Variants in CNTNAP2 observed in about 807,000 individuals in gnomAD.
CNTNAP2 encodes the protein contactin-associated protein-like 2.
A neutral mutation model predicts 155.2 loss-of-function variants in CNTNAP2; 98 were observed. The observed-to-expected ratio is 0.63, with a 90% CI of 0.54 to 0.75. The LOEUF (loss-of-function observed/expected upper bound fraction) is 0.75. CNTNAP2 is among the 30% of genes least tolerant of loss of function. CNTNAP2 has a pLI of 0.00. For synonymous variants in CNTNAP2, 651 were observed against 631.2 expected (o/e 1.03, Z -0.47); for missense variants, 1,727 against 1,688.1 (o/e 1.02, Z -0.40).
chr7:147,437,620 A>C (rs1797573031), intron 10 of CNTNAP2, among the ~76,000 whole-genome samples: 1 of 152,096 alleles, frequency 6.6e-6, no homozygotes, highest in Admixed American at 6.6e-5. Flanking sequence ...GTATAATTTA[A>C]AGTCAGGTGA....
At chr7:147,822,126 G>A (rs768435991) in intron 13 of CNTNAP2, among the ~76,000 whole-genome samples, 14 of 152,094 alleles carry the variant, frequency 9.2e-5, no homozygotes, top group Non-Finnish European at 1.6e-4. Context: ...CAATTTCTAT[G>A]GAGTCGTGGG....
chr7:148,346,773 T>TAAAAAAAAAAAAA (rs71188973), intron 21 of CNTNAP2, among the ~76,000 whole-genome samples: 1 of 147,046 alleles, frequency 6.8e-6, no homozygotes, highest in African/African-American at 2.5e-5. Flanking sequence ...ACTCCATCTT[T>TAAAAAAAAAAAAA]AAAAAAAAAA....
Position 147,903,566 on chromosome 7 carries a change from T to C in CNTNAP2, c.2100T>C (p.Asp700=), listed in dbSNP as rs1240494550. Residue 700 remains aspartate, a splice_region_variant and synonymous_variant, in exon 14 of 24, where the codon GAT becomes GAC. Transcript: ENST00000361727. ...ATATACCTTTGCCTTTTCTTGTAGATGGAAGCCCTTACACTTGGTGGGTTG... is the reference window on the plus strand; with the variant it reads ...ATATACCTTTGCCTTTTCTTGTAGACGGAAGCCCTTACACTTGGTGGGTTG... ...CKMSRLLNTP[D]GSPYTWWVGK... is the part of the protein sequence containing the mutation. The C allele has an allele frequency of 6.2e-7, 1 of 1,614,072 alleles. No homozygotes were observed. The highest frequency in any genetic ancestry group is 1.7e-5 in the Admixed American group (1 of 60,002).
rs576086021 is a variant in CNTNAP2, at chr7:146,365,994, C to T, written c.97+249021C>T. The stretch of plus-strand genomic sequence containing the variant: ...AAACGTGTATTGGCAATAATAGTGT[C>T]TATAATAATGGGAGTATCCTTATTT... On this transcript the variant is annotated intron_variant, in intron 1 of 23. Transcript: ENST00000361727. 4.5e-3 allele frequency among the ~76,000 whole-genome samples: 678 copies of T among 152,128 alleles called. 3 individuals are homozygous for T. Among genetic ancestry groups the T allele is most frequent in the Non-Finnish European group, 7.0e-3 (473 of 67,964 alleles).
Position 147,204,019 on chromosome 7 carries a change from G to A in CNTNAP2, c.1348+71510G>A, listed in dbSNP as rs138315349. ...ATTAAAAAGAAAGGTTGTGTCATAA[G>A]AGTGTGTAATGTAAAGCTCTTAACT... On this transcript the variant is annotated intron_variant, in intron 8 of 23. Coordinates refer to ENST00000361727, the MANE Select transcript of CNTNAP2 (RefSeq NM_014141.6). Among the ~76,000 whole-genome samples the A allele has an allele frequency of 7.4e-3, 1,127 of 152,112 alleles. 6 individuals carry two copies. The highest frequency in any genetic ancestry group is 0.012 in the Non-Finnish European group (844 of 67,938).
intron 15 of CNTNAP2, among the ~76,000 whole-genome samples, chr7:148,086,225 CCT>C (rs1474754745): frequency 6.6e-6 from 1 of 152,104 alleles, no homozygotes; most frequent in African/African-American, 2.4e-5. Context: ...TTTAGAAAGA[CCT>C]CTTTTGCTTT....
intron 3 of CNTNAP2, among the ~76,000 whole-genome samples, chr7:146,860,155 G>GAT (rs1368580044): frequency 6.6e-6 from 1 of 152,146 alleles, no homozygotes; most frequent in Non-Finnish European, 1.5e-5. Context: ...ATGAGTAATG[G>GAT]ATATATATAG....
At chr7:146,619,676 G>GA (rs1253500065) in intron 1 of CNTNAP2, among the ~76,000 whole-genome samples, 1 of 152,126 alleles carries the variant, frequency 6.6e-6, no homozygotes, top group Non-Finnish European at 1.5e-5. Context: ...TCAAGCGTGT[G>GA]AAACAAGTGG....
chr7:147,713,710 C>G (rs1366012372), intron 13 of CNTNAP2, among the ~76,000 whole-genome samples: 1 of 152,110 alleles, frequency 6.6e-6, no homozygotes, highest in Non-Finnish European at 1.5e-5. Context: ...TGATGAGAAA[C>G]TGCTAAACTG....
In CNTNAP2 at chr7:147,122,361, C is replaced by T. The variant is rs1563084283; in HGVS notation, c.939+1198C>T. On this transcript the variant is annotated intron_variant, in intron 6 of 23. Transcript: ENST00000361727. ...TAGTGTCTTCGAACTTTTTCCACAG[C>T]AGTCCTGAGCCGTTAGGTCCAAACA... 3.3e-5 allele frequency: 5 copies of T among 152,294 alleles called. No homozygotes were observed. The South Asian group carries it at 8.3e-4, about 25-fold the overall frequency. 9.4% of individuals were successfully genotyped at this position (152,294 alleles called of 1,614,324 possible). A position where few individuals can be genotyped will look rare whatever the true frequency, so the allele number is the denominator to read the frequency against.
intron 1 of CNTNAP2, among the ~76,000 whole-genome samples, chr7:146,689,540 A>G (rs1800661915): frequency 6.6e-6 from 1 of 151,994 alleles, no homozygotes. Flanking sequence ...AGAATCTTTC[A>G]TTTATCTGTC....
chr7:147,780,396 AT>A (rs1206506684), intron 13 of CNTNAP2, among the ~76,000 whole-genome samples: 4 of 152,222 alleles, frequency 2.6e-5, no homozygotes, highest in African/African-American at 9.6e-5. Flanking sequence ...TAATTTAAAA[AT>A]TAACAGGTTT....
At chr7:148,210,631 A>G (rs577921666) in intron 18 of CNTNAP2, among the ~76,000 whole-genome samples, 5 of 152,282 alleles carry the variant, frequency 3.3e-5, no homozygotes, top group South Asian at 4.1e-4. Context: ...TTTTTTCTCC[A>G]TTGTACAGAT....
chr7:148,118,096 T>A (rs919395814), intron 15 of CNTNAP2, 22 bp from the exon 16 acceptor site: 7 of 1,612,992 alleles, frequency 4.3e-6, no homozygotes, highest in Non-Finnish European at 5.9e-6. Context: ...GTTAACCTGA[T>A]TTTTTTGTTT....
intron 12 of CNTNAP2, among the ~76,000 whole-genome samples, chr7:147,611,871 A>AGGCTTT (rs1248177672): frequency 6.6e-6 from 1 of 152,230 alleles, no homozygotes; most frequent in East Asian, 1.9e-4. Context: ...ATCAGAGTCT[A>AGGCTTT]GGCTTACAAA....
intron 21 of CNTNAP2, among the ~76,000 whole-genome samples, chr7:148,342,282 T>C (rs970894221): frequency 2.0e-5 from 3 of 152,238 alleles, no homozygotes; most frequent in African/African-American, 7.2e-5. Flanking sequence ...TTTTAAAATC[T>C]GTATTCCTGA....
intron 13 of CNTNAP2, among the ~76,000 whole-genome samples, chr7:147,800,768 G>A (rs988841350): frequency 1.3e-5 from 2 of 152,150 alleles, no homozygotes; most frequent in African/African-American, 4.8e-5. Flanking sequence ...CATAATGATG[G>A]ACCAATAAAT....
rs187959887 is a variant in CNTNAP2, at chr7:147,672,669, C to G, written c.2098+33363C>G. 80 of 152,316 alleles carry G rather than the reference C, an allele frequency of 5.3e-4. No homozygotes were observed. The East Asian group carries it at 0.015, about 28-fold the overall frequency. 9.4% of individuals were successfully genotyped at this position (152,316 alleles called of 1,614,324 possible). A position where few individuals can be genotyped will look rare whatever the true frequency, so the allele number is the denominator to read the frequency against. The stretch of plus-strand genomic sequence containing the variant: ...TGTCAAGCACGTCCCATTTTAGATG[C>G]TCTTCAGACTTCAAAACATTACCTT... On this transcript the variant is annotated intron_variant, in intron 13 of 23. Transcript: ENST00000361727.
intron 1 of CNTNAP2, among the ~76,000 whole-genome samples, chr7:146,285,312 A>C (rs1800308753): frequency 6.6e-6 from 1 of 152,150 alleles, no homozygotes; most frequent in Non-Finnish European, 1.5e-5. Flanking sequence ...AACCTTGACT[A>C]TCATAAGTGC....
Sources: gnomAD v4.1 joint callset for allele counts (sites outside exome capture counted in the v4.1 genomes callset) on GRCh38, gnomAD v4.1.1 for gene constraint, MANE v1.5 for transcripts, NCBI Gene and HGNC (gene_info 2026-07-23, HGNC 2026-07-21) for gene names.